Variants in TCERG1 observed in about 807,000 individuals in gnomAD.
The protein encoded by TCERG1 is transcription elongation regulator 1, also known as TATA box binding protein (TBP)-associated factor, RNA polymerase II, S, 150kD.
Under a neutral mutation model 144.7 loss-of-function variants are expected in TCERG1, and 37 were observed. The observed-to-expected ratio is 0.26, with a 90% CI of 0.20 to 0.34. The LOEUF is 0.34. Among genes scored for constraint, TCERG1 ranks in the 10% least tolerant of loss-of-function variants. The pLI, the probability that TCERG1 is intolerant of heterozygous loss-of-function variation, is 1.00. For missense variants in TCERG1, 1,027 were observed against 1,380.7 expected, an observed-to-expected ratio of 0.74 and a Z score of 4.06; for synonymous variants, 492 against 458.2, an observed-to-expected ratio of 1.07 and a Z score of -0.94.
At chr5:146,486,137 ACAAC>A (rs774225356) in intron 15 of TCERG1, among the ~76,000 whole-genome samples, 10 of 152,238 alleles carry the variant, frequency 6.6e-5, no homozygotes, top group Non-Finnish European at 1.5e-4. Context: ...TATAAAATGA[ACAAC>A]CAGAAAGGTG....
chr5:146,484,512 G>T (rs967841359), intron 15 of TCERG1, among the ~76,000 whole-genome samples: 1 of 152,166 alleles, frequency 6.6e-6, no homozygotes, highest in Admixed American at 6.5e-5. Flanking sequence ...CACATGGTGT[G>T]TACCATTATG....
intron 22 of TCERG1, among the ~76,000 whole-genome samples, chr5:146,509,677 T>A (rs1461945439): frequency 7.0e-6 from 1 of 142,974 alleles, no homozygotes; most frequent in African/African-American, 3.0e-5. Flanking sequence ...AGCATAAACA[T>A]TTTTTTTTCC....
At chr5:146,467,295 G>A (rs1763879467) in intron 5 of TCERG1, among the ~76,000 whole-genome samples, 1 of 151,842 alleles carries the variant, frequency 6.6e-6, no homozygotes, top group Non-Finnish European at 1.5e-5. Context: ...CTTTAGTGGG[G>A]AAAATAGTTT....
intron 16 of TCERG1, among the ~76,000 whole-genome samples, chr5:146,493,843 T>G (rs1000841271): frequency 6.6e-6 from 1 of 152,084 alleles, no homozygotes; most frequent in Non-Finnish European, 1.5e-5. Context: ...GGTATTAGGT[T>G]ACTGGGAATA....
In TCERG1 at chr5:146,482,692, A is replaced by G. The variant is rs779241491; in HGVS notation, c.2038A>G (p.Met680Val). Reference sequence around the variant, plus strand: ...GGCCATTGTCCCTCTGGAGGCTCGAATGAAGCAGTTCAAGGACATGCTGCT... The same window carrying G: ...GGCCATTGTCCCTCTGGAGGCTCGAGTGAAGCAGTTCAAGGACATGCTGCT... ...ERAIVPLEAR[M>V]KQFKDMLLER... Residue 680 changes from methionine (M) to valine (V), a missense_variant, in exon 14 of 23, where the codon ATG (methionine) becomes GTG (valine). Transcript: ENST00000679501. The G allele has an allele frequency of 7.4e-6, 12 of 1,613,178 alleles. No homozygotes were observed. Among genetic ancestry groups the G allele is most frequent in the Non-Finnish European group, 9.3e-6 (11 of 1,179,482 alleles).
At chr5:146,488,350 A>G (rs1446244688) in intron 15 of TCERG1, among the ~76,000 whole-genome samples, 3 of 152,204 alleles carry the variant, frequency 2.0e-5, no homozygotes, top group Non-Finnish European at 4.4e-5. Flanking sequence ...TAGGGAATTA[A>G]ATGTCCAAAA....
At chr5:146,463,430 T>C (rs1763509374) in intron 4 of TCERG1, 121 bp from the exon 5 acceptor site, 1 of 1,410,186 alleles carries the variant, frequency 7.1e-7, no homozygotes. Context: ...TTTGACAAAT[T>C]TCTTGCAGTG....
chr5:146,457,112 T>C, intron 2 of TCERG1, 71 bp from the exon 3 acceptor site: 1 of 1,559,218 alleles, frequency 6.4e-7, no homozygotes, highest in South Asian at 1.2e-5. Context: ...GTTTTACTTT[T>C]GAATAGAATT....
chr5:146,454,477 T>G (rs1002878232), intron 1 of TCERG1, among the ~76,000 whole-genome samples: 3 of 152,126 alleles, frequency 2.0e-5, no homozygotes, highest in African/African-American at 7.2e-5. Flanking sequence ...GTAAATACTT[T>G]AAGACCATCA....
chr5:146,471,557 C>G lies in TCERG1; in HGVS notation c.1582C>G (p.Pro528Ala). The G allele has an allele frequency of 6.2e-7, 1 of 1,613,538 alleles. No individual in the cohort carries two copies. Among genetic ancestry groups the G allele is most frequent in the Non-Finnish European group, 8.5e-7 (1 of 1,179,752 alleles). ...GAAGGCAAAGCCAGTTGCTACTGCT[C>G]CTATTCCTGGTACTCCATGGTATGT... Reference protein sequence around the residue: ...AQKAKPVATAPIPGTPWCVVW... With the variant: ...AQKAKPVATAAIPGTPWCVVW... Residue 528 changes from proline to alanine, a missense_variant, in exon 9 of 23, where the codon CCT becomes GCT. Pro to Ala is a conservative substitution (Grantham distance 27, BLOSUM62 -1). Around this residue, in one of 6 missense-constraint regions of TCERG1, gnomAD observed 482 missense variants for 632.6 expected, o/e 0.76. Coordinates refer to ENST00000679501, the MANE Select transcript of TCERG1 (RefSeq NM_001382548.1).
intron 1 of TCERG1, among the ~76,000 whole-genome samples, chr5:146,448,762 C>T (rs1762112777): frequency 2.0e-5 from 3 of 152,148 alleles, no homozygotes; most frequent in Non-Finnish European, 4.4e-5. Context: ...CATATGTATA[C>T]AGTATTAATG....
In TCERG1 at chr5:146,474,440, A is replaced by G. The variant is rs539431304; in HGVS notation, c.1601+2864A>G. On this transcript the variant is annotated intron_variant, in intron 9 of 22. Transcript: ENST00000679501. ...ATCTACTGGTGAAGATGCCATGAAC[A>G]TTGTTGAAATAATAAGGGATTTAGA... Among the ~76,000 whole-genome samples, 9 of 152,314 alleles carry G rather than the reference A, an allele frequency of 5.9e-5. No homozygotes were observed. The East Asian group carries it at 1.5e-3, about 26-fold the overall frequency.
chr5:146,463,971 T>G (rs1218763615), intron 5 of TCERG1, among the ~76,000 whole-genome samples, 178 bp downstream of exon 5: 1 of 152,238 alleles, frequency 6.6e-6, no homozygotes, highest in Admixed American at 6.5e-5. Context: ...GTCCTTTTTT[T>G]GTTGTTGTTT....
In TCERG1 at chr5:146,503,500, A is replaced by G; in HGVS notation, c.2559A>G (p.Arg853=). 4 of 1,613,956 alleles carry G rather than the reference A, an allele frequency of 2.5e-6. No homozygotes were observed. Among genetic ancestry groups the G allele is most frequent in the Non-Finnish European group, 3.4e-6 (4 of 1,179,924 alleles). The part of the protein sequence containing the change: ...RYKAVDSSSM[R]EDLFKQYIEK... ...AAGCAGTAGATAGTTCATCAATGAGAGAAGACCTTTTCAAACAGTACATTG... is the reference window on the plus strand; with the variant it reads ...AAGCAGTAGATAGTTCATCAATGAGGGAAGACCTTTTCAAACAGTACATTG... The change falls in exon 18 of 23, where the codon AGA becomes AGG. Residue 853 remains arginine, a synonymous_variant. Coordinates refer to ENST00000679501, the MANE Select transcript of TCERG1 (RefSeq NM_001382548.1).
rs1012089466 is a variant in TCERG1 at position 146,478,665 on chromosome 5, A to C, written c.1762+12A>C. On this transcript the variant is annotated intron_variant, in intron 10 of 22. Transcript: ENST00000679501. Reference sequence around the variant, plus strand: ...ATTGAAGAAACTAAGTAAGTTTTAAATTAGGAATTTATCCACTGATTTTAA... The same window carrying C: ...ATTGAAGAAACTAAGTAAGTTTTAACTTAGGAATTTATCCACTGATTTTAA... 6.4e-7 allele frequency: 1 copy of C among 1,563,910 alleles called. No individual in the cohort carries two copies. Among genetic ancestry groups the C allele is most frequent in the Non-Finnish European group, 8.6e-7 (1 of 1,160,858 alleles).
chr5:146,500,168 C>T (rs1171072494), intron 17 of TCERG1, among the ~76,000 whole-genome samples: 1 of 150,232 alleles, frequency 6.7e-6, no homozygotes, highest in Non-Finnish European at 1.5e-5. Context: ...TATACCATTA[C>T]TAGATTAAAA....
In TCERG1 at chr5:146,482,633, C is replaced by T. The variant is rs774550291; in HGVS notation, c.1979C>T (p.Ala660Val). 14 of 1,612,838 alleles carry T rather than the reference C, an allele frequency of 8.7e-6. No homozygotes were observed. In the Admixed American group the frequency reaches 2.3e-4, roughly 27 times the overall value. The change falls in exon 14 of 23, where the codon GCC becomes GTC. Residue 660 changes from alanine (A) to valine (V), a missense_variant. By Grantham distance (64) the Ala-to-Val change is moderately conservative. Around this residue, in one of 6 missense-constraint regions of TCERG1, gnomAD observed 482 missense variants for 632.6 expected, o/e 0.76. Transcript: ENST00000679501. ...GACATTGACTCAGAGAAAGAAGCTG[C>T]CATGGAAGCTGAAATTAAAGCTGCC... is the stretch of plus-strand genomic sequence containing the variant. ...NKDIDSEKEAAMEAEIKAARE... is the reference protein window; with the variant it reads ...NKDIDSEKEAVMEAEIKAARE...
At chr5:146,476,035 A>T (rs1764812176) in intron 9 of TCERG1, among the ~76,000 whole-genome samples, 2 of 151,950 alleles carry the variant, frequency 1.3e-5, no homozygotes, top group African/African-American at 2.4e-5. Flanking sequence ...AATCCTCTGT[A>T]GCTTCCCTGC....
intron 16 of TCERG1, among the ~76,000 whole-genome samples, chr5:146,493,998 A>C (rs1191546994): frequency 6.6e-6 from 1 of 152,130 alleles, no homozygotes; most frequent in African/African-American, 2.4e-5. Context: ...TGTTTAATAT[A>C]GTTTTATATT....
Sources: allele counts gnomAD v4.1 joint callset (sites outside exome capture counted in the v4.1 genomes callset), GRCh38; gene constraint gnomAD v4.1.1; regional missense constraint gnomAD v4.1.1; transcripts MANE v1.5; gene names NCBI Gene and HGNC (gene_info 2026-07-23, HGNC 2026-07-21).